ROGDI: variants seen among roughly 807,000 people sequenced by gnomAD.
The protein encoded by ROGDI is protein rogdi homolog.
Under a neutral mutation model 43.1 loss-of-function variants are expected in ROGDI, and 46 were observed. The ratio of observed to expected loss-of-function variants is 1.07; its 90% CI spans 0.84 to 1.37. The LOEUF (loss-of-function observed/expected upper bound fraction) is 1.37, where lower values mean the gene tolerates loss of function less well. Among genes scored for constraint, ROGDI ranks in the 40% most tolerant of loss-of-function variants. ROGDI has a pLI of 0.00. For synonymous variants in ROGDI, 243 were observed against 162.0 expected (o/e 1.50, Z -3.80); for missense variants, 518 against 383.9 (o/e 1.35, Z -2.92).
In ROGDI at chr16:4,799,689, G is replaced by C; in HGVS notation, c.429C>G (p.Leu143=). Residue 143 remains leucine (L), a synonymous_variant, in exon 6 of 11, where the codon CTC becomes CTG. Transcript: ENST00000322048. ...SYQFKTGAEV[L]KLMDAVMLQL... is the part of the protein sequence containing the mutation. ...GTCAGGCCCGGGGGCAGCTCACCTT[G>C]AGGACCTCAGCGCCCGTCTTGAACT... 1.2e-6 allele frequency: 2 copies of C among 1,612,074 alleles called. No individual in the cohort carries two copies. The highest frequency in any genetic ancestry group is 8.5e-7 in the Non-Finnish European group (1 of 1,178,734).
chr16:4,797,975 C>G lies in ROGDI; in HGVS notation c.658G>C (p.Ala220Pro). Residue 220 changes from alanine to proline, a missense_variant, in exon 9 of 11, where the codon GCT (alanine) becomes CCT (proline). By Grantham distance (27) the Ala-to-Pro change is conservative. Coordinates refer to ENST00000322048, the MANE Select transcript of ROGDI (RefSeq NM_024589.3). ...QPNSTKNFRP[A>P]GGAVLHSPGA... is the part of the protein sequence containing the mutation. The stretch of plus-strand genomic sequence containing the variant: ...GGGCTATGCAGCACCGCGCCCCCAG[C>G]TGGGCGGAAGTTCTAGGGAGAACAG... The G allele has an allele frequency of 6.2e-7, 1 of 1,607,670 alleles. No individual in the cohort carries two copies. Among genetic ancestry groups the G allele is most frequent in the Non-Finnish European group, 8.5e-7 (1 of 1,175,572 alleles).
chr16:4,800,434 C>G (rs1384335143), intron 5 of ROGDI, 64 bp downstream of exon 5: 2 of 1,366,158 alleles, frequency 1.5e-6, no homozygotes, highest in Middle Eastern at 2.0e-4. Context: ...CCAGGGAGGC[C>G]CCGCGGCAGG....
At chr16:4,800,638 C>G in intron 4 of ROGDI, 60 bp from the exon 5 acceptor site, 1 of 1,375,006 alleles carries the variant, frequency 7.3e-7, no homozygotes. Context: ...CACAGCCACT[C>G]TGAGCCCTTA....
Position 4,797,942 on chromosome 16 carries a change from T to C in ROGDI, c.691A>G (p.Met231Val), listed in dbSNP as rs137934107. ...GGAVLHSPGA[M>V]FEWGSQRLEV... ...CCCCCGCCCCTGCCTACTTACAACATGGCCCCAGGGCTATGCAGCACCGCG... is the reference window on the plus strand; with the variant it reads ...CCCCCGCCCCTGCCTACTTACAACACGGCCCCAGGGCTATGCAGCACCGCG... Residue 231 changes from methionine (M) to valine (V), a missense_variant, in exon 9 of 11, where the codon ATG becomes GTG. By Grantham distance (21) the Met-to-Val change is conservative. Transcript: ENST00000322048. The C allele has an allele frequency of 2.7e-5, 43 of 1,600,196 alleles. No homozygotes were observed. In the African/African-American group the frequency reaches 5.1e-4, roughly 19 times the overall value.
chr16:4,799,590 C>T (rs2082693038), intron 6 of ROGDI, 96 bp downstream of exon 6: 1 of 859,558 alleles, frequency 1.2e-6, no homozygotes, highest in Non-Finnish European at 1.9e-6. Flanking sequence ...ACAGGTTGCA[C>T]AGCTCAACGT....
At chr16:4,801,937 C>G in intron 2 of ROGDI, 1 of 572,642 alleles carries the variant, frequency 1.7e-6, no homozygotes, top group Middle Eastern at 3.7e-4. Context: ...CCACAGCAAG[C>G]ACTACGCCGG....
chr16:4,800,683 G>T, intron 4 of ROGDI, 105 bp from the exon 5 acceptor site: 1 of 928,886 alleles, frequency 1.1e-6, no homozygotes, highest in South Asian at 1.5e-5. Flanking sequence ...TGGTGGTTCA[G>T]GCCTTGGCCG....
rs769692718 is a variant in ROGDI at position 4,799,798 on chromosome 16, TC to T, written c.337-18del. On this transcript the variant is annotated intron_variant, in intron 5 of 10. Transcript: ENST00000322048. The stretch of plus-strand genomic sequence containing the variant: ...ATCCTGGATCTGGAAGCAGGGGTCA[TC>T]CAGAGGGGTCACGCCAGCTTCCATG... 7 of 1,588,740 alleles carry T rather than the reference TC, an allele frequency of 4.4e-6. No homozygotes were observed. Among genetic ancestry groups the T allele is most frequent in the Non-Finnish European group, 6.0e-6 (7 of 1,158,598 alleles).
chr16:4,800,206 G>T (rs1490485746), intron 5 of ROGDI, among the ~76,000 whole-genome samples: 2 of 152,168 alleles, frequency 1.3e-5, no homozygotes, highest in Non-Finnish European at 2.9e-5. Flanking sequence ...CTGGGCAAGG[G>T]AGTGACTTTT....
chr16:4,797,254 G>A lies in ROGDI; in HGVS notation c.*206C>T. 1.2e-5 allele frequency: 7 copies of A among 565,536 alleles called. No homozygotes were observed. The South Asian group carries it at 1.5e-4, about 12-fold the overall frequency. 35.0% of individuals were successfully genotyped at this position (565,536 alleles called of 1,614,324 possible). On this transcript the variant is annotated 3_prime_UTR_variant, in exon 11 of 11. Coordinates refer to ENST00000322048, the MANE Select transcript of ROGDI (RefSeq NM_024589.3). ...GGGACACCCTTGGCCCCGCCTCCCT[G>A]ACCTCCCCACTACCCCACCAAACCA... is the stretch of plus-strand genomic sequence containing the variant.
At chr16:4,798,512 A>G in intron 7 of ROGDI, 57 bp downstream of exon 7, 1 of 1,372,986 alleles carries the variant, frequency 7.3e-7, no homozygotes, top group South Asian at 1.3e-5. Context: ...CCTGAGGGCA[A>G]GCTGGGACCC....
chr16:4,797,762 C>G lies in ROGDI; in HGVS notation c.774G>C (p.Leu258=), dbSNP rs1253408885. Residue 258 remains leucine (L), a synonymous_variant, in exon 10 of 11, where the codon CTG becomes CTC. Transcript: ENST00000322048. ...ECVIPWLNDA[L]VYFTVSLQLC... ...GCTGCAGGGAGACGGTGAAGTAGAC[C>G]AGGGCGTCGTTGAGCCAGGGGATCA... 6.2e-7 allele frequency: 1 copy of G among 1,600,896 alleles called. No homozygotes were observed. Among genetic ancestry groups the G allele is most frequent in the South Asian group, 1.1e-5 (1 of 90,570 alleles).
rs2141905479 is a variant in ROGDI, at chr16:4,797,829, G to C, written c.707C>G (p.Ser236Cys). ...CACGTGGCTCACCTCCAGGCGCTGA[G>C]AGCCCCACTCGCTGTGGGCAGTGAG... The part of the protein sequence containing the change: ...HSPGAMFEWG[S>C]QRLEVSHVHK... The change falls in exon 10 of 11, where the codon TCT becomes TGT. Residue 236 changes from serine to cysteine, a missense_variant. Ser to Cys is a moderately radical substitution (Grantham distance 112). Coordinates refer to ENST00000322048, the MANE Select transcript of ROGDI (RefSeq NM_024589.3). 1.2e-6 allele frequency: 2 copies of C among 1,611,900 alleles called. No homozygotes were observed. The highest frequency in any genetic ancestry group is 1.1e-5 in the South Asian group (1 of 91,080).
Position 4,797,785 on chromosome 16 carries a change from T to G in ROGDI, c.751A>C (p.Ile251Leu). The G allele has an allele frequency of 6.2e-7, 1 of 1,613,616 alleles. No homozygotes were observed. Among genetic ancestry groups the G allele is most frequent in the Non-Finnish European group, 8.5e-7 (1 of 1,179,948 alleles). The change falls in exon 10 of 11, where the codon ATC (isoleucine) becomes CTC (leucine). Residue 251 changes from isoleucine (I) to leucine (L), a missense_variant. Coordinates refer to ENST00000322048, the MANE Select transcript of ROGDI (RefSeq NM_024589.3). The part of the protein sequence containing the change: ...VSHVHKVECV[I>L]PWLNDALVYF... ...ACCAGGGCGTCGTTGAGCCAGGGGA[T>G]CACGCACTCCACTTTGTGCACGTGG...
chr16:4,799,489 G>A (rs992411401), intron 6 of ROGDI, among the ~76,000 whole-genome samples, 197 bp downstream of exon 6: 1 of 152,104 alleles, frequency 6.6e-6, no homozygotes, highest in African/African-American at 2.4e-5. Flanking sequence ...TGGGGGCCCC[G>A]TGACCTGAAT....
At chr16:4,800,794 G>A in intron 4 of ROGDI, 2 of 583,938 alleles carry the variant, frequency 3.4e-6, no homozygotes, top group Non-Finnish European at 3.0e-6. Flanking sequence ...ACAAAGAAGT[G>A]AAATGGAAAG....
In ROGDI at chr16:4,798,637, T is replaced by C. The variant is rs747650022; in HGVS notation, c.463A>G (p.Arg155Gly). The stretch of plus-strand genomic sequence containing the variant: ...GGGGTGGTGAGCCGGTTTCGGGCTC[T>C]GGTCAGCTGCAGCATCACTGCGTCC... ...LMDAVMLQLTRARNRLTTPAT... is the reference protein window; with the variant it reads ...LMDAVMLQLTGARNRLTTPAT... The change falls in exon 7 of 11, where the codon AGA (arginine) becomes GGA (glycine). Residue 155 changes from arginine (R) to glycine (G), a missense_variant. Coordinates refer to ENST00000322048, the MANE Select transcript of ROGDI (RefSeq NM_024589.3). 16 of 1,573,746 alleles carry C rather than the reference T, an allele frequency of 1.0e-5. No homozygotes were observed. Among genetic ancestry groups the C allele is most frequent in the Non-Finnish European group, 6.9e-6 (8 of 1,163,606 alleles).
rs754421881 is a variant in ROGDI at position 4,797,142 on chromosome 16, G to A, written c.*318C>T. ...ATGCCCTCCAGGGGGAGGGGACAGC[G>A]AAGGGGAGAGGAGGGAGAGCCCTGC... On this transcript the variant is annotated 3_prime_UTR_variant, in exon 11 of 11. Transcript: ENST00000322048. 42 of 317,700 alleles carry A rather than the reference G, an allele frequency of 1.3e-4. No individual in the cohort carries two copies. Among genetic ancestry groups the A allele is most frequent in the Non-Finnish European group, 2.3e-4 (39 of 168,550 alleles). The allele number at this position is 317,700 out of a possible 1,614,324, so 19.7% of individuals were successfully genotyped here.
rs555219138 is a variant in ROGDI, at chr16:4,797,594, G to A, written c.823-93C>T. On this transcript the variant is annotated intron_variant, in intron 10 of 10. Coordinates refer to ENST00000322048, the MANE Select transcript of ROGDI (RefSeq NM_024589.3). Reference sequence around the variant, plus strand: ...CACCCAAGGACAATATGTCAGGACAGGGCATTGCTGCCTCGCAGTGCTGTG... The same window carrying A: ...CACCCAAGGACAATATGTCAGGACAAGGCATTGCTGCCTCGCAGTGCTGTG... The A allele has an allele frequency of 1.2e-4, 183 of 1,588,578 alleles. No homozygotes were observed. The South Asian group carries it at 1.7e-3, about 14-fold the overall frequency.
Sources: allele counts gnomAD v4.1 joint callset (sites outside exome capture counted in the v4.1 genomes callset), GRCh38; gene constraint gnomAD v4.1.1; transcripts MANE v1.5; gene names NCBI Gene and HGNC (gene_info 2026-07-23, HGNC 2026-07-21).